BRF1: variants seen among roughly 807,000 people sequenced by gnomAD.
BRF1 encodes BRF1 general transcription factor IIIB subunit, also known as transcription factor IIIB 90 kDa subunit.
BRF1 carries 59 observed loss-of-function variants against 81.7 expected under a neutral mutation model. The observed-to-expected ratio is 0.72, with a 90% confidence interval of 0.59 to 0.90. The LOEUF is 0.90. BRF1 is among the 40% of genes least tolerant of loss of function. The probability of loss-of-function intolerance (pLI) is 0.00; values close to 1 mark genes in which losing one functional copy is unlikely to be tolerated. For synonymous variants in BRF1, 491 were observed against 395.6 expected, an observed-to-expected ratio of 1.24 and a Z score of -2.86; for missense variants, 1,050 against 936.3, an observed-to-expected ratio of 1.12 and a Z score of -1.58.
chr14:105,226,223 G>A (rs968751639), intron 9 of BRF1, 28 bp downstream of exon 9: 1 of 1,613,898 alleles, frequency 6.2e-7, no homozygotes, highest in African/African-American at 1.3e-5. Flanking sequence ...CAAAACAGAA[G>A]CATTACATGG....
intron 6 of BRF1, among the ~76,000 whole-genome samples, chr14:105,240,953 C>T (rs587716723): frequency 4.6e-5 from 7 of 152,340 alleles, no homozygotes; most frequent in Middle Eastern, 3.4e-3. Flanking sequence ...GCGTCAGAAG[C>T]CGGGCCCCAC....
chr14:105,281,447 C>T (rs1256339318), intron 2 of BRF1, among the ~76,000 whole-genome samples: 2 of 147,950 alleles, frequency 1.4e-5, no homozygotes, highest in Admixed American at 6.8e-5. Context: ...ATCCTGAGCC[C>T]GGGTGTGTGG....
chr14:105,284,606 C>G lies in BRF1; in HGVS notation c.265+1690G>C, dbSNP rs775407262. 6.6e-6 allele frequency among the ~76,000 whole-genome samples: 1 copy of G among 152,202 alleles called. No individual in the cohort carries two copies. The highest frequency in any genetic ancestry group is 1.5e-5 in the Non-Finnish European group (1 of 68,042). On this transcript the variant is annotated intron_variant, in intron 2 of 17. Coordinates refer to ENST00000547530, the MANE Select transcript of BRF1 (RefSeq NM_001519.4). This position sits in a 1 kb window ranked among gnomAD's most constrained non-coding sequence, Gnocchi z 4.0. ...CTGCACCGATCACAAGAATCCCTCA[C>G]GTGGTCCTCAGGTTCCTGAGAGTGT...
In BRF1 at chr14:105,221,734, G is replaced by A. The variant is rs1359858914; in HGVS notation, c.1229C>T (p.Ser410Phe). The A allele has an allele frequency of 1.9e-6, 3 of 1,607,580 alleles. No individual in the cohort carries two copies. In the South Asian group the frequency reaches 3.3e-5, roughly 18 times the overall value. The change falls in exon 11 of 18, where the codon TCC becomes TTC. Residue 410 changes from serine (S) to phenylalanine (F), a missense_variant. Transcript: ENST00000547530. The part of the protein sequence containing the change: ...EWGGRPPALG[S>F]LLDPLPTAAS... ...TGCAGTGGGGAGGGGGTCCAGCAGG[G>A]ACCCCAGGGCCGGAGGTCTGCCGCC... is the stretch of plus-strand genomic sequence containing the variant.
chr14:105,249,522 G>A (rs1400265955), intron 5 of BRF1: 1 of 1,607,244 alleles, frequency 6.2e-7, no homozygotes, highest in African/African-American at 1.3e-5. Flanking sequence ...TCCGTTTTAG[G>A]CGGCCTCCGG....
At position 105,291,000 on chromosome 14, in the gene BRF1, C is replaced by A. The variant is rs189258937; in HGVS notation, c.185-4624G>T. Among the ~76,000 whole-genome samples, 435 of 152,270 alleles carry A rather than the reference C, an allele frequency of 2.9e-3. 3 individuals carry two copies. The highest frequency in any genetic ancestry group is 9.9e-3 in the African/African-American group (412 of 41,558). On this transcript the variant is annotated intron_variant, in intron 1 of 17. Coordinates refer to ENST00000547530, the MANE Select transcript of BRF1 (RefSeq NM_001519.4). The stretch of plus-strand genomic sequence containing the variant: ...TGAAAGAGGAAAGTGCCACCTCTGG[C>A]TGAAACTGCCAGGATGCCCTCTACT...
intron 3 of BRF1, among the ~76,000 whole-genome samples, chr14:105,270,390 T>C (rs1416158886): frequency 6.6e-6 from 1 of 151,968 alleles, no homozygotes; most frequent in Non-Finnish European, 1.5e-5. Flanking sequence ...TTAGACAGGA[T>C]GGTCTCGATC....
In BRF1 at chr14:105,288,477, T is replaced by TA. The variant is rs1452512528; in HGVS notation, c.185-2102dup. Among the ~76,000 whole-genome samples the TA allele has an allele frequency of 5.4e-5, 8 of 148,916 alleles. No individual in the cohort carries two copies. The East Asian group carries it at 1.6e-3, about 30-fold the overall frequency. On this transcript the variant is annotated intron_variant, in intron 1 of 17. Coordinates refer to ENST00000547530, the MANE Select transcript of BRF1 (RefSeq NM_001519.4). ...AAAAAAATAAAAATAAAAATAAAAA[T>TA]AAAATAAAGTAAAAAAGAAGCTGGA...
Position 105,272,673 on chromosome 14 carries a change from T to C in BRF1, c.439+48A>G. ...GTCCCAATATTCGAGGGGAGCCAAC[T>C]AAGCATCAAGATGGGGCCCTCTGGG... On this transcript the variant is annotated intron_variant, in intron 3 of 17. Transcript: ENST00000547530. 1.9e-6 allele frequency: 3 copies of C among 1,538,740 alleles called. No homozygotes were observed. In the South Asian group the frequency reaches 3.7e-5, roughly 19 times the overall value.
Position 105,272,702 on chromosome 14 carries a change from C to T in BRF1, c.439+19G>A, listed in dbSNP as rs1006096381. On this transcript the variant is annotated intron_variant, in intron 3 of 17. Coordinates refer to ENST00000547530, the MANE Select transcript of BRF1 (RefSeq NM_001519.4). ...CATCAAGATGGGGCCCTCTGGGAGGCTCTCAAACCAAAGGATACGCGGCGT... is the reference window on the plus strand; with the variant it reads ...CATCAAGATGGGGCCCTCTGGGAGGTTCTCAAACCAAAGGATACGCGGCGT... 2 of 1,581,508 alleles carry T rather than the reference C, an allele frequency of 1.3e-6. No homozygotes were observed. The highest frequency in any genetic ancestry group is 1.3e-5 in the African/African-American group (1 of 74,324).
chr14:105,250,360 G>A (rs2055530940), intron 5 of BRF1: 1 of 1,613,676 alleles, frequency 6.2e-7, no homozygotes, highest in Non-Finnish European at 8.5e-7. Context: ...GCTCTGGGAA[G>A]GCTGAGTACA....
At chr14:105,260,234 G>A (rs1161082936) in intron 3 of BRF1, among the ~76,000 whole-genome samples, 5 of 152,194 alleles carry the variant, frequency 3.3e-5, no homozygotes, top group Non-Finnish European at 7.3e-5. Flanking sequence ...CTGAAGGACT[G>A]TGTGCAGTAC....
In BRF1 at chr14:105,219,027, T is replaced by C; in HGVS notation, c.1486A>G (p.Lys496Glu). ...TGTTCCTTGTAGATGCCGAGCTCCT[T>C]CTCTTTCGCTATTCTTGCTTCTTTT... ...REKEARIAKE[K>E]ELGIYKEHKP... Residue 496 changes from lysine to glutamate, a missense_variant, in exon 14 of 18, where the codon AAG becomes GAG. Lys to Glu is a moderately conservative substitution (Grantham distance 56, BLOSUM62 1). This residue lies in a region of BRF1 where 1,043 missense variants were observed against 915.4 expected (regional missense o/e 1.14). Coordinates refer to ENST00000547530, the MANE Select transcript of BRF1 (RefSeq NM_001519.4). 6.2e-7 allele frequency: 1 copy of C among 1,613,804 alleles called. No individual in the cohort carries two copies. The highest frequency in any genetic ancestry group is 8.5e-7 in the Non-Finnish European group (1 of 1,179,998).
intron 5 of BRF1, chr14:105,249,313 G>GC (rs757968680): frequency 6.3e-7 from 1 of 1,589,660 alleles, no homozygotes. Flanking sequence ...TGGCTGACAC[G>GC]CAGCCTGCGG....
chr14:105,293,194 G>A (rs1048798977), intron 1 of BRF1, among the ~76,000 whole-genome samples: 14 of 152,166 alleles, frequency 9.2e-5, no homozygotes, highest in Non-Finnish European at 1.8e-4. Context: ...GAGGCTGGCC[G>A]GTCACATCCT....
chr14:105,213,758 T>TG (rs1396594282), intron 15 of BRF1, among the ~76,000 whole-genome samples: 3 of 152,158 alleles, frequency 2.0e-5, no homozygotes, highest in African/African-American at 7.2e-5. Flanking sequence ...GGCCTCACCC[T>TG]GGGGGGCCAG....
chr14:105,309,040 G>A lies in BRF1; in HGVS notation c.-162+6282C>T, dbSNP rs138189694. On this transcript the variant is annotated intron_variant, in intron 1 of 17. Transcript: ENST00000327359. The surrounding 1 kb of genome is among the most constrained non-coding windows in gnomAD (Gnocchi z 4.0). ...ACAAAACCAGAAATCCATCCTGCACGAAGAGCACTGAGGTTGAGTGTTGGT... is the reference window on the plus strand; with the variant it reads ...ACAAAACCAGAAATCCATCCTGCACAAAGAGCACTGAGGTTGAGTGTTGGT... 1.9e-3 allele frequency among the ~76,000 whole-genome samples: 288 copies of A among 152,256 alleles called. 2 individuals are homozygous for A. The highest frequency in any genetic ancestry group is 2.9e-3 in the Non-Finnish European group (199 of 68,006).
chr14:105,221,488 C>G (rs1364032554), intron 11 of BRF1, among the ~76,000 whole-genome samples, 160 bp downstream of exon 11: 1 of 152,224 alleles, frequency 6.6e-6, no homozygotes, highest in Non-Finnish European at 1.5e-5. Flanking sequence ...CCCACACAGC[C>G]CCATTGGGGG....
At chr14:105,307,741 G>T (rs1216647089) in intron 1 of BRF1, among the ~76,000 whole-genome samples, 3 of 152,214 alleles carry the variant, frequency 2.0e-5, no homozygotes, top group Non-Finnish European at 4.4e-5. Flanking sequence ...GCATAACAGG[G>T]ATAAGAATAG....
Sources: allele counts gnomAD v4.1 joint callset (sites outside exome capture counted in the v4.1 genomes callset), GRCh38; gene constraint gnomAD v4.1.1; regional missense constraint gnomAD v4.1.1; non-coding constraint Gnocchi (gnomAD v3.1); transcripts MANE v1.5; gene names NCBI Gene and HGNC (gene_info 2026-07-23, HGNC 2026-07-21).